FSTL5: variants seen among roughly 807,000 people sequenced by gnomAD.
The protein encoded by FSTL5 is follistatin-related protein 5.
FSTL5 carries 62 observed loss-of-function variants against 89.1 expected under a neutral mutation model. The ratio of observed to expected loss-of-function variants is 0.70; its 90% confidence interval spans 0.57 to 0.86. FSTL5 has a LOEUF of 0.86. FSTL5 is among the 40% of genes least tolerant of loss of function. FSTL5 has a pLI of 0.00. For synonymous variants in FSTL5, 383 were observed against 346.2 expected (o/e 1.11, Z -1.18); for missense variants, 1,057 against 1,001.6 (o/e 1.06, Z -0.75).
At chr4:161,782,254 C>T (rs1409641903) in intron 4 of FSTL5, among the ~76,000 whole-genome samples, 1 of 152,134 alleles carries the variant, frequency 6.6e-6, no homozygotes, top group Non-Finnish European at 1.5e-5. Context: ...TTTGAATAAA[C>T]ATCAAAAAGC....
intron 4 of FSTL5, among the ~76,000 whole-genome samples, chr4:161,868,846 T>A (rs1372870295): frequency 6.6e-6 from 1 of 152,240 alleles, no homozygotes; most frequent in Non-Finnish European, 1.5e-5. Flanking sequence ...TTTAACCATC[T>A]TCTTTATGCC....
At chr4:161,738,122 C>T (rs894209226) in intron 6 of FSTL5, among the ~76,000 whole-genome samples, 11 of 151,936 alleles carry the variant, frequency 7.2e-5, no homozygotes, top group African/African-American at 2.2e-4. Context: ...ACATTTTCTC[C>T]TCTTGCACTG....
intron 15 of FSTL5, among the ~76,000 whole-genome samples, chr4:161,425,750 A>G (rs1732145584): frequency 6.6e-6 from 1 of 152,122 alleles, no homozygotes; most frequent in Non-Finnish European, 1.5e-5. Flanking sequence ...CCCTCACTTT[A>G]CAGATGAAAA....
intron 6 of FSTL5, among the ~76,000 whole-genome samples, chr4:161,704,317 A>C (rs529315377): frequency 6.6e-6 from 1 of 152,010 alleles, no homozygotes; most frequent in East Asian, 1.9e-4. Flanking sequence ...TTGATGTCTC[A>C]TGTCTCCTTA....
At chr4:161,635,774 T>C (rs10020848) in intron 7 of FSTL5, among the ~76,000 whole-genome samples, 72,952 of 151,952 alleles carry the variant, frequency 0.48, 18,021 homozygotes, top group African/African-American at 0.6. Flanking sequence ...AAATGTTATA[T>C]ATCATGATAA....
At chr4:161,704,163 C>T (rs774219587) in intron 6 of FSTL5, among the ~76,000 whole-genome samples, 1 of 152,086 alleles carries the variant, frequency 6.6e-6, no homozygotes, top group Non-Finnish European at 1.5e-5. Context: ...TTTGGCGAGG[C>T]TAATCAGAAA....
chr4:162,000,870 G>C (rs1052280366), intron 3 of FSTL5, among the ~76,000 whole-genome samples: 3 of 152,040 alleles, frequency 2.0e-5, no homozygotes, highest in Admixed American at 1.3e-4. Flanking sequence ...AGCACCAAAT[G>C]GGAGAGAGAA....
At chr4:161,916,206 A>G (rs1733833630) in intron 4 of FSTL5, among the ~76,000 whole-genome samples, 1 of 152,168 alleles carries the variant, frequency 6.6e-6, no homozygotes, top group Non-Finnish European at 1.5e-5. Flanking sequence ...CAGAACATTT[A>G]CCTTTATGGC....
chr4:161,499,612 A>C (rs1430270394), intron 12 of FSTL5, among the ~76,000 whole-genome samples: 2 of 152,180 alleles, frequency 1.3e-5, no homozygotes, highest in Non-Finnish European at 2.9e-5. Flanking sequence ...GTGGTTTTAC[A>C]TTTATAAAGC....
chr4:161,700,052 T>C (rs1321824248), intron 6 of FSTL5, among the ~76,000 whole-genome samples: 1 of 152,216 alleles, frequency 6.6e-6, no homozygotes, highest in Non-Finnish European at 1.5e-5. Context: ...TTCATAAACA[T>C]TGACAACATA....
In FSTL5 at chr4:161,872,140, G is replaced by GTTTTTTTTTTTTTTTTTT. The variant is rs1491313878; in HGVS notation, c.409+48263_409+48264insAAAAAAAAAAAAAAAAAA. ...GGCTTTGTAGTTTGTTTTTTTTTTTGGTTTTTTTTTTTTTTTTTGTAGAGA... is the reference window on the plus strand; with the variant it reads ...GGCTTTGTAGTTTGTTTTTTTTTTTGTTTTTTTTTTTTTTTTTTGTTTTTTTTTTTTTTTTTGTAGAGA... On this transcript the variant is annotated intron_variant, in intron 4 of 15. Coordinates refer to ENST00000306100, the MANE Select transcript of FSTL5 (RefSeq NM_020116.5). 2.3e-3 allele frequency among the ~76,000 whole-genome samples: 157 copies of GTTTTTTTTTTTTTTTTTT among 67,454 alleles called. 4 individuals are homozygous for GTTTTTTTTTTTTTTTTTT. Among genetic ancestry groups the GTTTTTTTTTTTTTTTTTT allele is most frequent in the Middle Eastern group, 0.027 (2 of 74 alleles). 44.3% of individuals were successfully genotyped at this position (67,454 alleles called of 152,430 possible). A position where few individuals can be genotyped will look rare whatever the true frequency, so the allele number is the denominator to read the frequency against.
Position 161,602,253 on chromosome 4 carries a change from A to AAGAGAG in FSTL5, c.895-14684_895-14679dup, listed in dbSNP as rs58991875. Among the ~76,000 whole-genome samples, 1,058 of 122,720 alleles carry AAGAGAG rather than the reference A, an allele frequency of 8.6e-3. 27 individuals are homozygous for AAGAGAG. Among genetic ancestry groups the AAGAGAG allele is most frequent in the African/African-American group, 0.027 (819 of 30,828 alleles). 80.5% of individuals were successfully genotyped at this position (122,720 alleles called of 152,430 possible). ...TGAGAGAGTGAGAGAGAGGGAGAGA[A>AAGAGAG]AGAGAGAGAGAGAGAGAGAGAGAGA... On this transcript the variant is annotated intron_variant, in intron 7 of 15. Transcript: ENST00000306100.
At chr4:161,517,071 T>G (rs1454667147) in intron 10 of FSTL5, among the ~76,000 whole-genome samples, 1 of 152,092 alleles carries the variant, frequency 6.6e-6, no homozygotes, top group Non-Finnish European at 1.5e-5. Flanking sequence ...ATATTTTTCA[T>G]AGAGATGGGG....
chr4:161,894,379 T>C (rs559967402), intron 4 of FSTL5, among the ~76,000 whole-genome samples: 1 of 152,372 alleles, frequency 6.6e-6, no homozygotes, highest in South Asian at 2.1e-4. Flanking sequence ...CTCTGTTTTG[T>C]ATTTGAAAAG....
intron 7 of FSTL5, among the ~76,000 whole-genome samples, chr4:161,594,551 T>A (rs1295745697): frequency 6.6e-6 from 1 of 152,038 alleles, no homozygotes; most frequent in Admixed American, 6.6e-5. Context: ...TCTCTTTTAG[T>A]TACAATGCCC....
intron 4 of FSTL5, among the ~76,000 whole-genome samples, chr4:161,844,000 G>C (rs187559245): frequency 8.1e-4 from 124 of 152,170 alleles, no homozygotes; most frequent in African/African-American, 2.9e-3. Flanking sequence ...CCATCAGAGT[G>C]AACAGGCAAC....
chr4:161,754,045 T>TAAAAAAA lies in FSTL5; in HGVS notation c.727+5359_727+5365dup, dbSNP rs10649973. 1.6e-3 allele frequency among the ~76,000 whole-genome samples: 139 copies of TAAAAAAA among 85,044 alleles called. 7 individuals carry two copies. The South Asian group carries it at 0.019, about 12-fold the overall frequency. 55.8% of individuals were successfully genotyped at this position (85,044 alleles called of 152,430 possible). ...CGACAGAGCAAGACACCGTCTCAAT[T>TAAAAAAA]AAAAAAAAAAAAAAAAAAAAGAACT... On this transcript the variant is annotated intron_variant, in intron 6 of 15. Coordinates refer to ENST00000306100, the MANE Select transcript of FSTL5 (RefSeq NM_020116.5).
At chr4:161,527,232 A>G (rs1422961441) in intron 10 of FSTL5, among the ~76,000 whole-genome samples, 5 of 152,016 alleles carry the variant, frequency 3.3e-5, no homozygotes, top group Non-Finnish European at 5.9e-5. Flanking sequence ...CTCATGATTT[A>G]GCTCTCTGTT....
chr4:161,690,410 T>C (rs1737890786), intron 6 of FSTL5, among the ~76,000 whole-genome samples: 2 of 152,260 alleles, frequency 1.3e-5, no homozygotes, highest in African/African-American at 4.8e-5. Context: ...TAGCAAATAA[T>C]GCTCAGCATA....
Sources: gnomAD v4.1 joint callset for allele counts (sites outside exome capture counted in the v4.1 genomes callset) on GRCh38, gnomAD v4.1.1 for gene constraint, MANE v1.5 for transcripts, NCBI Gene and HGNC (gene_info 2026-07-23, HGNC 2026-07-21) for gene names.